The following CCL28 variants were observed in gnomAD, a reference collection of about 807,000 sequenced individuals.
CCL28 encodes the protein C-C motif chemokine ligand 28, also known as C-C motif chemokine 28.
CCL28 carries 4 observed loss-of-function variants against 7.1 expected under a neutral mutation model. The ratio of observed to expected loss-of-function variants is 0.56; its 90% CI spans 0.28 to 1.29. CCL28 has a LOEUF of 1.29. Ranked by LOEUF, CCL28 falls within the 50% of genes most tolerant of loss-of-function variation. The pLI is 0.11. For missense variants in CCL28, 151 were observed against 163.4 expected, an observed-to-expected ratio of 0.92 and a Z score of 0.41; for synonymous variants, 55 against 57.8, an observed-to-expected ratio of 0.95 and a Z score of 0.22.
Position 43,412,295 on chromosome 5 carries a change from T to C in CCL28, c.22A>G (p.Ile8Val). 1 of 1,613,144 alleles carries C rather than the reference T, an allele frequency of 6.2e-7. No individual in the cohort carries two copies. Among genetic ancestry groups the C allele is most frequent in the Non-Finnish European group, 8.5e-7 (1 of 1,179,546 alleles). The part of the protein sequence containing the change: MQQRGLA[I>V]VALAVCAALH... ...GCCGCACAGACAGCCAAGGCCACGA[T>C]GGCGAGTCCTCTCTGCTGCATTCCT... The change falls in exon 1 of 3, where the codon ATC becomes GTC. Residue 8 changes from isoleucine (I) to valine (V), a missense_variant. Coordinates refer to ENST00000361115, the MANE Select transcript of CCL28 (RefSeq NM_148672.3).
intron 1 of CCL28, among the ~76,000 whole-genome samples, chr5:43,408,006 A>G (rs1741364577): frequency 6.6e-6 from 1 of 152,212 alleles, no homozygotes; most frequent in Admixed American, 6.5e-5. Context: ...GCTGGAGAGG[A>G]TGTGGAGAAA....
chr5:43,371,787 T>A (rs1383596419), downstream of CCL28, among the ~76,000 whole-genome samples: 1 of 152,232 alleles, frequency 6.6e-6, no homozygotes, highest in Non-Finnish European at 1.5e-5. Context: ...AGTTTTGGGG[T>A]AACTTATTAT....
chr5:43,389,047 A>G (rs1740455542), intron 1 of CCL28, among the ~76,000 whole-genome samples: 1 of 152,202 alleles, frequency 6.6e-6, no homozygotes, highest in Admixed American at 6.5e-5. Flanking sequence ...TTCCCTTTAT[A>G]TGAAAGATCC....
intron 1 of CCL28, among the ~76,000 whole-genome samples, chr5:43,408,893 C>CT (rs35098260): frequency 0.56 from 79,910 of 141,820 alleles, 23,240 homozygotes; most frequent in Middle Eastern, 0.68. Context: ...TAATTTTTTA[C>CT]TTTTTTTTTT....
Position 43,401,974 on chromosome 5 carries a change from C to T in CCL28, c.64+10279G>A, listed in dbSNP as rs1484941526. ...TCCTGTAGACCCAGCTTCTGCAGTGCTTTAGCTTCAGTGCATGGCAACTAG... is the reference window on the plus strand; with the variant it reads ...TCCTGTAGACCCAGCTTCTGCAGTGTTTTAGCTTCAGTGCATGGCAACTAG... On this transcript the variant is annotated intron_variant, in intron 1 of 2. Coordinates refer to ENST00000361115, the MANE Select transcript of CCL28 (RefSeq NM_148672.3). 1.5e-4 allele frequency among the ~76,000 whole-genome samples: 23 copies of T among 152,186 alleles called. 1 individual carries two copies. The highest frequency in any genetic ancestry group is 2.9e-5 in the Non-Finnish European group (2 of 68,040).
At chr5:43,359,406 G>A in the CCL28 span, among the ~76,000 whole-genome samples, 1 of 152,234 alleles carries the variant, frequency 6.6e-6, no homozygotes, top group Non-Finnish European at 1.5e-5. Context: ...ATCTGTAGCA[G>A]GAACATATCC....
At chr5:43,360,349 T>C in the CCL28 span, among the ~76,000 whole-genome samples, 1 of 152,172 alleles carries the variant, frequency 6.6e-6, no homozygotes, top group Non-Finnish European at 1.5e-5. Flanking sequence ...TCATTTGTTG[T>C]ACAGATTATT....
intron 2 of CCL28, among the ~76,000 whole-genome samples, chr5:43,383,674 AAAACAAACAAAC>A (rs951921042): frequency 6.6e-6 from 1 of 152,168 alleles, no homozygotes; most frequent in Non-Finnish European, 1.5e-5. Context: ...GTAGGAAACA[AAAACAAACAAAC>A]AAACAAACAA....
At chr5:43,363,682 C>A in the CCL28 span, among the ~76,000 whole-genome samples, 2 of 152,334 alleles carry the variant, frequency 1.3e-5, no homozygotes, top group South Asian at 4.1e-4. Context: ...CAGCTGACTT[C>A]AGGGGTTTAC....
At chr5:43,365,189 G>A in the CCL28 span, among the ~76,000 whole-genome samples, 4 of 152,022 alleles carry the variant, frequency 2.6e-5, no homozygotes, top group Admixed American at 2.0e-4. Context: ...ATTTTTAGTA[G>A]AGATGTGGTT....
chr5:43,404,858 C>G (rs929179623), intron 1 of CCL28, among the ~76,000 whole-genome samples: 5 of 152,126 alleles, frequency 3.3e-5, no homozygotes, highest in African/African-American at 1.2e-4. Context: ...GGGTTGCAAT[C>G]CTAGTCTCTG....
At chr5:43,375,892 G>A (rs550865392), downstream of CCL28, among the ~76,000 whole-genome samples, 91 of 152,134 alleles carry the variant, frequency 6.0e-4, 2 homozygotes, top group Admixed American at 1.6e-3. Flanking sequence ...AAAATTAGCC[G>A]GGTGTGGTGG....
chr5:43,406,545 G>A (rs993893971), intron 1 of CCL28, among the ~76,000 whole-genome samples: 5 of 152,088 alleles, frequency 3.3e-5, no homozygotes, highest in Admixed American at 6.6e-5. Context: ...AATATCATAC[G>A]GAATGGGCAA....
rs985890470 is a variant in CCL28, at chr5:43,379,382, A to G, written c.*2478T>C. 6.6e-6 allele frequency: 1 copy of G among 152,150 alleles called. No homozygotes were observed. The allele number at this position is 152,150 out of a possible 1,614,324, so 9.4% of individuals were successfully genotyped here. A position where few individuals can be genotyped will look rare whatever the true frequency, so the allele number is the denominator to read the frequency against. On this transcript the variant is annotated 3_prime_UTR_variant, in exon 3 of 3. Coordinates refer to ENST00000361115, the MANE Select transcript of CCL28 (RefSeq NM_148672.3). ...TAATATTTTAAGTTACTCTCATATT[A>G]TATTTTATTAATTTTTTCTTATTTA...
downstream of CCL28, among the ~76,000 whole-genome samples, chr5:43,375,458 TAAAAAAAA>T (rs56289620): frequency 9.2e-5 from 3 of 32,736 alleles, no homozygotes; most frequent in African/African-American, 2.4e-4. Context: ...GACAGAAAGC[TAAAAAAAA>T]AAAAAAAAAA....
downstream of CCL28, chr5:43,377,416 C>G (rs912155527): frequency 8.2e-5 from 12 of 146,786 alleles, no homozygotes; most frequent in African/African-American, 3.0e-4. Context: ...CCCTTGAACC[C>G]GTGAGGCAAA....
intron 1 of CCL28, among the ~76,000 whole-genome samples, chr5:43,396,630 ATTATAATGGGTGGGGTACAG>A (rs1019233600): frequency 6.6e-6 from 1 of 152,212 alleles, no homozygotes; most frequent in Admixed American, 6.5e-5. Context: ...AGTACTATTT[ATTATAATGGGTGGGGTACAG>A]TTAAATTTAG....
chr5:43,366,349 G>C, the CCL28 span, among the ~76,000 whole-genome samples: 2 of 152,182 alleles, frequency 1.3e-5, no homozygotes, highest in Non-Finnish European at 2.9e-5. Context: ...TGGGGTTTCT[G>C]TGTGGACGTC....
At chr5:43,401,939 C>G (rs1741055333) in intron 1 of CCL28, among the ~76,000 whole-genome samples, 1 of 152,174 alleles carries the variant, frequency 6.6e-6, no homozygotes, top group African/African-American at 2.4e-5. Flanking sequence ...CCAGGGTTCT[C>G]TCATCAGGTT....
Sources: gnomAD v4.1 joint callset for allele counts (sites outside exome capture counted in the v4.1 genomes callset) on GRCh38, gnomAD v4.1.1 for gene constraint, MANE v1.5 for transcripts, NCBI Gene and HGNC (gene_info 2026-07-23, HGNC 2026-07-21) for gene names.